The following CNTN5 variants were observed in gnomAD, a reference collection of about 807,000 sequenced individuals.
The protein encoded by CNTN5 is contactin 5, also known as contactin-5.
CNTN5 carries 77 observed loss-of-function variants against 129.1 expected under a neutral mutation model. That is an observed-to-expected ratio of 0.60 (90% CI 0.50 to 0.72). The LOEUF is 0.72. CNTN5 is among the 30% of genes least tolerant of loss of function. The pLI is 0.00. For missense variants in CNTN5, 1,478 were observed against 1,328.8 expected, an observed-to-expected ratio of 1.11 and a Z score of -1.75; for synonymous variants, 509 against 465.6, an observed-to-expected ratio of 1.09 and a Z score of -1.20.
At chr11:99,631,095 T>C (rs1181398594) in intron 3 of CNTN5, among the ~76,000 whole-genome samples, 1 of 152,178 alleles carries the variant, frequency 6.6e-6, no homozygotes, top group African/African-American at 2.4e-5. Context: ...AAATTAATCA[T>C]GACAAACCAA....
At chr11:99,343,936 A>G (rs547341825) in intron 2 of CNTN5, among the ~76,000 whole-genome samples, 2 of 152,356 alleles carry the variant, frequency 1.3e-5, no homozygotes, top group Admixed American at 1.3e-4. Flanking sequence ...CATTCATAAA[A>G]TGTCATTTCA....
At chr11:99,589,961 T>C (rs1380607886) in intron 3 of CNTN5, among the ~76,000 whole-genome samples, 1 of 152,060 alleles carries the variant, frequency 6.6e-6, no homozygotes. Flanking sequence ...ATCTAAACAA[T>C]GAAGGAAGAG....
chr11:100,108,371 A>T (rs1945528215), intron 13 of CNTN5, among the ~76,000 whole-genome samples: 1 of 152,180 alleles, frequency 6.6e-6, no homozygotes, highest in Admixed American at 6.5e-5. Context: ...TAGGAAGCAG[A>T]TGCAATCATT....
intron 13 of CNTN5, among the ~76,000 whole-genome samples, chr11:100,142,733 A>G (rs534275115): frequency 8.1e-4 from 123 of 151,988 alleles, no homozygotes; most frequent in African/African-American, 2.8e-3. Flanking sequence ...TGAACACATT[A>G]TTTTTTCACT....
chr11:99,307,289 T>C (rs565092434), intron 1 of CNTN5, among the ~76,000 whole-genome samples: 171 of 151,574 alleles, frequency 1.1e-3, no homozygotes, highest in African/African-American at 3.6e-3. Context: ...TCTCACAGTA[T>C]TTTTTTTTCT....
intron 3 of CNTN5, among the ~76,000 whole-genome samples, chr11:99,781,672 A>T (rs1367879074): frequency 6.6e-6 from 1 of 152,070 alleles, no homozygotes; most frequent in East Asian, 1.9e-4. Flanking sequence ...TATGGGTTTC[A>T]ATTCGATCAA....
At chr11:99,228,089 A>C (rs1182457716) in intron 1 of CNTN5, among the ~76,000 whole-genome samples, 1 of 152,040 alleles carries the variant, frequency 6.6e-6, no homozygotes, top group Non-Finnish European at 1.5e-5. Flanking sequence ...CTGTAAAGAG[A>C]ATTACGTTAT....
At chr11:99,963,639 G>A (rs1453107681) in intron 8 of CNTN5, among the ~76,000 whole-genome samples, 13 of 152,106 alleles carry the variant, frequency 8.5e-5, no homozygotes, top group East Asian at 3.9e-4. Context: ...TTGGCGATGC[G>A]GGCTCTTTTT....
At chr11:99,836,163 C>CT (rs1428400394) in intron 4 of CNTN5, among the ~76,000 whole-genome samples, 1 of 146,650 alleles carries the variant, frequency 6.8e-6, no homozygotes, top group Admixed American at 6.9e-5. Context: ...TTTAATTATA[C>CT]TTTAAGTTCT....
intron 1 of CNTN5, among the ~76,000 whole-genome samples, chr11:99,280,777 T>A (rs903281287): frequency 6.6e-6 from 1 of 151,812 alleles, no homozygotes; most frequent in African/African-American, 2.4e-5. Flanking sequence ...AAGTTAATAA[T>A]AATCTTTTGA....
At chr11:100,237,255 A>G (rs1949639881) in intron 16 of CNTN5, among the ~76,000 whole-genome samples, 1 of 152,076 alleles carries the variant, frequency 6.6e-6, no homozygotes, top group African/African-American at 2.4e-5. Flanking sequence ...CTGAAAGGCA[A>G]CCCACTGACT....
At chr11:99,276,162 A>G (rs1313762291) in intron 1 of CNTN5, among the ~76,000 whole-genome samples, 1 of 151,610 alleles carries the variant, frequency 6.6e-6, no homozygotes, top group Non-Finnish European at 1.5e-5. Flanking sequence ...TTGATTCTGA[A>G]ACTCTGAGTG....
intron 8 of CNTN5, among the ~76,000 whole-genome samples, chr11:99,974,361 A>G (rs549506351): frequency 6.6e-6 from 1 of 152,290 alleles, no homozygotes; most frequent in South Asian, 2.1e-4. Context: ...GTCTCGAGCT[A>G]CAGATCTAAC....
intron 1 of CNTN5, among the ~76,000 whole-genome samples, chr11:99,252,596 C>A (rs1255404472): frequency 1.3e-5 from 2 of 151,670 alleles, no homozygotes; most frequent in Non-Finnish European, 2.9e-5. Context: ...TATCATCTCA[C>A]AAACGCTTGA....
At chr11:99,909,008 T>C (rs1206054362) in intron 6 of CNTN5, among the ~76,000 whole-genome samples, 1 of 152,118 alleles carries the variant, frequency 6.6e-6, no homozygotes. Flanking sequence ...GAAAGTTTCA[T>C]TACAATTTGT....
At chr11:99,181,316 C>T (rs1591321810) in intron 1 of CNTN5, among the ~76,000 whole-genome samples, 1 of 152,184 alleles carries the variant, frequency 6.6e-6, no homozygotes, top group African/African-American at 2.4e-5. Context: ...AATTGTATTG[C>T]TGTCATGTGT....
chr11:99,167,682 G>A (rs1860938576), intron 1 of CNTN5, among the ~76,000 whole-genome samples: 1 of 151,674 alleles, frequency 6.6e-6, no homozygotes, highest in Admixed American at 6.6e-5. Flanking sequence ...GTGACAATGG[G>A]GTGTGAAAGA....
intron 1 of CNTN5, among the ~76,000 whole-genome samples, chr11:99,164,884 G>C (rs1860801013): frequency 6.6e-6 from 1 of 152,116 alleles, no homozygotes; most frequent in Admixed American, 6.5e-5. Flanking sequence ...AGATGAGAAA[G>C]AGCTCTCGCT....
chr11:99,677,424 G>T (rs1347787781), intron 3 of CNTN5, among the ~76,000 whole-genome samples: 6 of 152,068 alleles, frequency 3.9e-5, no homozygotes, highest in Non-Finnish European at 2.9e-5. Context: ...TACCACATGA[G>T]CAGTTTGAGG....
Sources: gnomAD v4.1 joint callset for allele counts (sites outside exome capture counted in the v4.1 genomes callset) on GRCh38, gnomAD v4.1.1 for gene constraint, MANE v1.5 for transcripts, NCBI Gene and HGNC (gene_info 2026-07-23, HGNC 2026-07-21) for gene names.